The following NECTIN2 variants were observed in gnomAD, a reference collection of about 807,000 sequenced individuals.
The protein encoded by NECTIN2 is nectin cell adhesion molecule 2.
NECTIN2 carries 23 observed loss-of-function variants against 56.9 expected under a neutral mutation model. The observed-to-expected ratio is 0.40, with a 90% CI of 0.29 to 0.57. The LOEUF (loss-of-function observed/expected upper bound fraction) is 0.57, where lower values mean the gene tolerates loss of function less well. Ranked by LOEUF, NECTIN2 falls within the 20% of genes least tolerant of loss-of-function variation. The probability of loss-of-function intolerance (pLI) is 0.38; values close to 1 mark genes in which losing one functional copy is unlikely to be tolerated. For synonymous variants in NECTIN2, 302 were observed against 313.8 expected, an observed-to-expected ratio of 0.96 and a Z score of 0.40; for missense variants, 587 against 718.3, an observed-to-expected ratio of 0.82 and a Z score of 2.09.
chr19:44,875,385 C>T lies in NECTIN2; in HGVS notation c.1042+907C>T, dbSNP rs1272816507. Among the ~76,000 whole-genome samples, 1 of 152,084 alleles carries T rather than the reference C, an allele frequency of 6.6e-6. No individual in the cohort carries two copies. The highest frequency in any genetic ancestry group is 2.4e-5 in the African/African-American group (1 of 41,386). The stretch of plus-strand genomic sequence containing the variant: ...GGTTCAAGCAATTATCCTGCCTCAG[C>T]CTCCTGAGTAGCTGGGACTATATGC... On this transcript the variant is annotated intron_variant, in intron 5 of 8. Coordinates refer to ENST00000252483, the MANE Select transcript of NECTIN2 (RefSeq NM_001042724.2). The surrounding 1 kb of genome is among the most constrained non-coding windows in gnomAD (Gnocchi z 4.2).
rs889467855 is a variant in NECTIN2, at chr19:44,854,745, G to A, written c.88+8132G>A. Among the ~76,000 whole-genome samples, 3 of 152,036 alleles carry A rather than the reference G, an allele frequency of 2.0e-5. No homozygotes were observed. The East Asian group carries it at 5.8e-4, about 29-fold the overall frequency. ...GGAGAATCACTTGAGCTGGGGAGGC[G>A]GAGGCTGTAGTGAGCCCAGATTGCG... On this transcript the variant is annotated intron_variant, in intron 1 of 8. Transcript: ENST00000252483.
At chr19:44,856,422 C>A (rs1039557962) in intron 1 of NECTIN2, among the ~76,000 whole-genome samples, 1 of 152,218 alleles carries the variant, frequency 6.6e-6, no homozygotes, top group Non-Finnish European at 1.5e-5. Context: ...CTCTGCTCAG[C>A]CCACCACCTT....
intron 1 of NECTIN2, among the ~76,000 whole-genome samples, chr19:44,849,985 A>C (rs1337506973): frequency 2.6e-5 from 4 of 152,188 alleles, no homozygotes; most frequent in Non-Finnish European, 5.9e-5. Flanking sequence ...TGTTACAAAG[A>C]GACAGAGAAT....
At position 44,865,733 on chromosome 19, in the gene NECTIN2, TTCTC is replaced by T; in HGVS notation, c.478+77_478+80del. On this transcript the variant is annotated intron_variant, in intron 2 of 8. Coordinates refer to ENST00000252483, the MANE Select transcript of NECTIN2 (RefSeq NM_001042724.2). This position sits in a 1 kb window ranked among gnomAD's most constrained non-coding sequence, Gnocchi z 5.2. ...TGGGAGCATCCCCTTGCGGGTCAGT[TTCTC>T]TCTTGGCTTCAGCTGTGAGGTTCAC... 7.1e-7 allele frequency: 1 copy of T among 1,417,320 alleles called. No homozygotes were observed. Among genetic ancestry groups the T allele is most frequent in the Non-Finnish European group, 9.3e-7 (1 of 1,077,556 alleles). 87.8% of individuals were successfully genotyped at this position (1,417,320 alleles called of 1,614,324 possible). A position where few individuals can be genotyped will look rare whatever the true frequency, so the allele number is the denominator to read the frequency against.
At position 44,855,294 on chromosome 19, in the gene NECTIN2, G is replaced by A. The variant is rs548652825; in HGVS notation, c.88+8681G>A. Among the ~76,000 whole-genome samples the A allele has an allele frequency of 2.5e-4, 37 of 151,002 alleles. 1 individual carries two copies. In the South Asian group the frequency reaches 2.7e-3, roughly 11 times the overall value. On this transcript the variant is annotated intron_variant, in intron 1 of 8. Transcript: ENST00000252483. ...CAAAAAATTAGCAGAGCGTGGTGGC[G>A]GGCGCCTGTAGTCCCAGCTACTCGG...
intron 2 of NECTIN2, among the ~76,000 whole-genome samples, chr19:44,871,544 T>C (rs1969174391): frequency 6.6e-6 from 1 of 151,798 alleles, no homozygotes; most frequent in African/African-American, 2.4e-5. Context: ...ATAAATAAAG[T>C]AAAATAAAAT....
intron 1 of NECTIN2, among the ~76,000 whole-genome samples, chr19:44,864,871 C>T (rs1969078809): frequency 1.3e-5 from 2 of 151,986 alleles, no homozygotes; most frequent in African/African-American, 2.4e-5. Context: ...TCACCTTCTC[C>T]ACCTAGACCC....
At chr19:44,848,746 C>G (rs986237174) in intron 1 of NECTIN2, among the ~76,000 whole-genome samples, 1 of 151,268 alleles carries the variant, frequency 6.6e-6, no homozygotes, top group African/African-American at 2.4e-5. Flanking sequence ...CTCTTCGTTT[C>G]TCACCCTTTC....
intron 1 of NECTIN2, among the ~76,000 whole-genome samples, chr19:44,860,170 A>G (rs540582322): frequency 2.0e-5 from 3 of 152,354 alleles, no homozygotes; most frequent in African/African-American, 7.2e-5. Context: ...AGAAAGTTGC[A>G]TCGTGGCTGG....
intron 2 of NECTIN2, among the ~76,000 whole-genome samples, chr19:44,871,651 G>A (rs1266569215): frequency 6.6e-6 from 1 of 152,138 alleles, no homozygotes; most frequent in Admixed American, 6.6e-5. Flanking sequence ...CTAGGGGTGG[G>A]TACTTTCATT....
chr19:44,850,776 C>T (rs1369331814), intron 1 of NECTIN2, among the ~76,000 whole-genome samples: 2 of 152,126 alleles, frequency 1.3e-5, no homozygotes, highest in African/African-American at 4.8e-5. Flanking sequence ...CCTGGATTTC[C>T]GCTGTGGGGG....
intron 1 of NECTIN2, among the ~76,000 whole-genome samples, chr19:44,857,798 G>A (rs540398325): frequency 4.0e-5 from 6 of 149,946 alleles, no homozygotes; most frequent in African/African-American, 9.8e-5. Flanking sequence ...CACCCACTTC[G>A]GCCTCCCATA....
intron 3 of NECTIN2, among the ~76,000 whole-genome samples, chr19:44,873,071 A>C (rs1969196356): frequency 6.6e-6 from 1 of 151,702 alleles, no homozygotes; most frequent in Non-Finnish European, 1.5e-5. Flanking sequence ...TTCACACAGA[A>C]TCCCTCAAAT....
intron 5 of NECTIN2, among the ~76,000 whole-genome samples, chr19:44,881,552 C>T (rs1157261003): frequency 1.3e-5 from 2 of 149,594 alleles, no homozygotes; most frequent in Non-Finnish European, 3.0e-5. Flanking sequence ...CTGGGCCTGG[C>T]GGCACATGCC....
At chr19:44,868,659 A>G (rs1331022866) in intron 2 of NECTIN2, among the ~76,000 whole-genome samples, 1 of 151,290 alleles carries the variant, frequency 6.6e-6, no homozygotes, top group Non-Finnish European at 1.5e-5. Context: ...CACTCCTGTA[A>G]TCCCAGCACT....
Position 44,874,581 on chromosome 19 carries a change from C to T in NECTIN2, c.1042+103C>T. 1 of 1,443,332 alleles carries T rather than the reference C, an allele frequency of 6.9e-7. No homozygotes were observed. The allele number at this position is 1,443,332 out of a possible 1,614,324, so 89.4% of individuals were successfully genotyped here. Reference sequence around the variant, plus strand: ...CACTGGGGGAGGCTGCGCCGCCGACCTGGGAGGGATGCAGACCTGCCTGGC... The same window carrying T: ...CACTGGGGGAGGCTGCGCCGCCGACTTGGGAGGGATGCAGACCTGCCTGGC... On this transcript the variant is annotated intron_variant, in intron 5 of 8. Transcript: ENST00000252483. The surrounding 1 kb of genome is among the most constrained non-coding windows in gnomAD (Gnocchi z 6.3).
chr19:44,867,634 G>A (rs964382251), intron 2 of NECTIN2, among the ~76,000 whole-genome samples: 11 of 152,208 alleles, frequency 7.2e-5, no homozygotes, highest in African/African-American at 2.2e-4. Context: ...CATAGCAGAG[G>A]GGCACGGGCA....
chr19:44,873,748 C>T (rs1305512633), intron 3 of NECTIN2, among the ~76,000 whole-genome samples, 168 bp from the exon 4 acceptor site: 3 of 152,196 alleles, frequency 2.0e-5, no homozygotes, highest in African/African-American at 4.8e-5. Flanking sequence ...ACAGTGTCTA[C>T]ACTGACATCA....
At chr19:44,860,368 C>T (rs990108703) in intron 1 of NECTIN2, among the ~76,000 whole-genome samples, 13 of 152,084 alleles carry the variant, frequency 8.5e-5, no homozygotes, top group Non-Finnish European at 1.8e-4. Flanking sequence ...ACAAAATTAG[C>T]TGGGTTTGGT....
Sources: gnomAD v4.1 joint callset for allele counts (sites outside exome capture counted in the v4.1 genomes callset) on GRCh38, gnomAD v4.1.1 for gene constraint, Gnocchi (gnomAD v3.1) non-coding constraint, MANE v1.5 for transcripts, NCBI Gene and HGNC (gene_info 2026-07-23, HGNC 2026-07-21) for gene names.